FAM184A: variants seen among roughly 807,000 people sequenced by gnomAD.
FAM184A encodes the protein family with sequence similarity 184 member A.
In FAM184A, 99 loss-of-function variants were observed where a neutral mutation model predicts 143.8. That is an observed-to-expected ratio of 0.69 (90% CI 0.58 to 0.81). The LOEUF (loss-of-function observed/expected upper bound fraction) is 0.81, where lower values mean the gene tolerates loss of function less well. FAM184A is among the 40% of genes least tolerant of loss of function. The pLI is 0.00. For synonymous variants in FAM184A, 427 were observed against 446.4 expected, an observed-to-expected ratio of 0.96 and a Z score of 0.55; for missense variants, 1,217 against 1,310.5, an observed-to-expected ratio of 0.93 and a Z score of 1.10.
At chr6:119,049,507 T>C (rs1193063235) in intron 1 of FAM184A, among the ~76,000 whole-genome samples, 1 of 151,998 alleles carries the variant, frequency 6.6e-6, no homozygotes, top group African/African-American at 2.4e-5. Flanking sequence ...TGGAACAGAA[T>C]AGAGAGTCCA....
intron 1 of FAM184A, among the ~76,000 whole-genome samples, chr6:119,124,027 A>G (rs1789294087): frequency 6.6e-6 from 1 of 152,220 alleles, no homozygotes; most frequent in Non-Finnish European, 1.5e-5. Context: ...ATTGCTATTT[A>G]TGGAACTCTA....
At chr6:119,048,851 A>T (rs1786635618) in intron 1 of FAM184A, among the ~76,000 whole-genome samples, 1 of 152,192 alleles carries the variant, frequency 6.6e-6, no homozygotes, top group Non-Finnish European at 1.5e-5. Context: ...GCTCAAAGAA[A>T]TCAGAGATGA....
At chr6:119,063,455 T>A (rs1175867940) in intron 1 of FAM184A, among the ~76,000 whole-genome samples, 1 of 152,242 alleles carries the variant, frequency 6.6e-6, no homozygotes, top group Non-Finnish European at 1.5e-5. Context: ...CTGGTTTCTA[T>A]CTTGATATAT....
intron 7 of FAM184A, 86 bp from the exon 8 acceptor site, chr6:119,003,708 A>G (rs913363404): frequency 1.3e-5 from 17 of 1,326,414 alleles, no homozygotes; most frequent in Non-Finnish European, 3.0e-6. Flanking sequence ...GCTTGTATTA[A>G]AACTTTTAAT....
rs76740187 is a variant in FAM184A, at chr6:119,027,551, A to G, written c.160-2738T>C. 4.6e-3 allele frequency among the ~76,000 whole-genome samples: 708 copies of G among 152,344 alleles called. 37 individuals carry two copies. The East Asian group carries it at 0.12, about 26-fold the overall frequency. ...CCTGCAAACCCCCAAACATGGAAATAAAGGAAAACCCCAAAGTTCCTTTAA... is the reference window on the plus strand; with the variant it reads ...CCTGCAAACCCCCAAACATGGAAATGAAGGAAAACCCCAAAGTTCCTTTAA... On this transcript the variant is annotated intron_variant, in intron 1 of 17. Coordinates refer to ENST00000338891, the MANE Select transcript of FAM184A (RefSeq NM_024581.6).
chr6:119,031,549 C>T (rs2782573), intron 1 of FAM184A: 70,299 of 152,014 alleles, frequency 0.46, 17,055 homozygotes, highest in Non-Finnish European at 0.53. Flanking sequence ...CCACTCAGTC[C>T]AGGTTATTAC....
At chr6:118,995,395 G>A (rs1784515109) in intron 9 of FAM184A, among the ~76,000 whole-genome samples, 1 of 152,102 alleles carries the variant, frequency 6.6e-6, no homozygotes, top group African/African-American at 2.4e-5. Flanking sequence ...CTCCAGCCTA[G>A]GCAACAGAGT....
chr6:118,965,659 T>G (rs968541812), intron 15 of FAM184A, among the ~76,000 whole-genome samples: 1 of 152,188 alleles, frequency 6.6e-6, no homozygotes, highest in African/African-American at 2.4e-5. Flanking sequence ...TTGACCTATG[T>G]GCCTCACAGT....
chr6:118,961,921 T>G lies in FAM184A; in HGVS notation c.3181A>C (p.Ser1061Arg). ...NDKSPTNRFVSVPNLSALESG... is the reference protein window; with the variant it reads ...NDKSPTNRFVRVPNLSALESG... ...TCCAGAGCACTTAGATTGGGAACAC[T>G]CACAAACCTGTTTGTTGGTGATTTA... The change falls in exon 17 of 18, where the codon AGT (serine) becomes CGT (arginine). Residue 1061 changes from serine to arginine, a missense_variant. Coordinates refer to ENST00000338891, the MANE Select transcript of FAM184A (RefSeq NM_024581.6). 1 of 1,613,926 alleles carries G rather than the reference T, an allele frequency of 6.2e-7. No homozygotes were observed. The highest frequency in any genetic ancestry group is 1.1e-5 in the South Asian group (1 of 91,078).
intron 1 of FAM184A, among the ~76,000 whole-genome samples, chr6:119,119,217 C>T (rs1290109513): frequency 1.3e-5 from 2 of 152,238 alleles, no homozygotes; most frequent in Admixed American, 6.5e-5. Context: ...ATTTTAATTT[C>T]GCCCCGGTCC....
intron 1 of FAM184A, among the ~76,000 whole-genome samples, chr6:119,047,268 T>C (rs1356861994): frequency 6.6e-6 from 1 of 152,184 alleles, no homozygotes; most frequent in African/African-American, 2.4e-5. Context: ...GGAACCCTTG[T>C]ACACTATGGA....
intron 1 of FAM184A, among the ~76,000 whole-genome samples, chr6:119,062,575 C>T (rs1787301248): frequency 6.6e-6 from 1 of 152,112 alleles, no homozygotes. Flanking sequence ...GGGAGGATCA[C>T]CTGCGCCTGG....
intron 4 of FAM184A, among the ~76,000 whole-genome samples, chr6:119,017,521 G>T (rs942411767): frequency 1.3e-5 from 2 of 151,720 alleles, no homozygotes; most frequent in Non-Finnish European, 2.9e-5. Context: ...AGAGTAAAGG[G>T]CTTCCTTTTA....
intron 14 of FAM184A, among the ~76,000 whole-genome samples, chr6:118,969,113 A>AT (rs759850121): frequency 1.2e-4 from 19 of 152,150 alleles, no homozygotes; most frequent in Non-Finnish European, 2.4e-4. Context: ...AGGGAAAATC[A>AT]TTTCCCCCCT....
At chr6:119,121,003 T>G (rs1358295041) in intron 1 of FAM184A, among the ~76,000 whole-genome samples, 1 of 150,326 alleles carries the variant, frequency 6.7e-6, no homozygotes, top group Non-Finnish European at 1.5e-5. Context: ...AGAGATGAAG[T>G]CTTGATATGA....
At chr6:119,022,087 C>G (rs1785468247) in intron 3 of FAM184A, among the ~76,000 whole-genome samples, 1 of 117,228 alleles carries the variant, frequency 8.5e-6, no homozygotes, top group Admixed American at 1.2e-4. Flanking sequence ...TTGATACAGC[C>G]TTGCTCTGTT....
At chr6:119,112,851 G>A (rs552023783) in intron 1 of FAM184A, among the ~76,000 whole-genome samples, 1 of 152,214 alleles carries the variant, frequency 6.6e-6, no homozygotes, top group African/African-American at 2.4e-5. Flanking sequence ...GGAATCCAAG[G>A]CATCTTTGGA....
intron 1 of FAM184A, among the ~76,000 whole-genome samples, chr6:119,124,346 T>C (rs1260428035): frequency 6.6e-6 from 1 of 152,200 alleles, no homozygotes; most frequent in Non-Finnish European, 1.5e-5. Context: ...CAACAACTTT[T>C]ATTGACTGGC....
rs755847403 is a variant in FAM184A, at chr6:119,003,057, A to C, written c.1938-8T>G. 2 of 1,590,700 alleles carry C rather than the reference A, an allele frequency of 1.3e-6. No individual in the cohort carries two copies. Among genetic ancestry groups the C allele is most frequent in the East Asian group, 4.5e-5 (2 of 44,424 alleles). ...AGTTTAGAACACTCTTGTCTAAAAT[A>C]AAACAACTGCATTTACTTTGTAAAG... On this transcript the variant is annotated splice_polypyrimidine_tract_variant and splice_region_variant and intron_variant, in intron 8 of 17. Transcript: ENST00000338891.
Sources: gnomAD v4.1 joint callset for allele counts (sites outside exome capture counted in the v4.1 genomes callset) on GRCh38, gnomAD v4.1.1 for gene constraint, MANE v1.5 for transcripts, NCBI Gene and HGNC (gene_info 2026-07-23, HGNC 2026-07-21) for gene names.